Variants in ST6GALNAC3 observed in about 807,000 individuals in gnomAD.
ST6GALNAC3 encodes the protein ST6 N-acetylgalactosaminide alpha-2,6-sialyltransferase 3.
A neutral mutation model predicts 32.7 loss-of-function variants in ST6GALNAC3; 25 were observed. That is an observed-to-expected ratio of 0.76 (90% CI 0.56 to 1.07). The LOEUF (loss-of-function observed/expected upper bound fraction) is 1.07, where lower values mean the gene tolerates loss of function less well. Ranked by LOEUF, ST6GALNAC3 falls within the 50% of genes least tolerant of loss-of-function variation. The pLI is 0.00. For synonymous variants in ST6GALNAC3, 129 were observed against 133.1 expected, an observed-to-expected ratio of 0.97 and a Z score of 0.21; for missense variants, 355 against 382.4, an observed-to-expected ratio of 0.93 and a Z score of 0.60.
At chr1:76,472,475 A>C (rs970569698) in intron 3 of ST6GALNAC3, among the ~76,000 whole-genome samples, 3 of 152,102 alleles carry the variant, frequency 2.0e-5, no homozygotes, top group African/African-American at 7.2e-5. Flanking sequence ...AAGCCAGATG[A>C]CAGTGGATGA....
intron 3 of ST6GALNAC3, among the ~76,000 whole-genome samples, chr1:76,589,486 G>GA (rs1000822188): frequency 7.9e-5 from 12 of 151,278 alleles, no homozygotes; most frequent in African/African-American, 9.7e-5. Context: ...CTTCTGAGCT[G>GA]AAAAAAAATG....
intron 3 of ST6GALNAC3, among the ~76,000 whole-genome samples, chr1:76,620,539 C>G (rs972206663): frequency 6.6e-6 from 1 of 152,012 alleles, no homozygotes; most frequent in African/African-American, 2.4e-5. Flanking sequence ...AGGCTCTCTT[C>G]CTGTCTTGTA....
chr1:76,491,284 C>T (rs1402967197), intron 3 of ST6GALNAC3, among the ~76,000 whole-genome samples: 1 of 152,096 alleles, frequency 6.6e-6, no homozygotes, highest in Non-Finnish European at 1.5e-5. Flanking sequence ...GTAAGCTGGC[C>T]TCATATTTTC....
chr1:76,185,031 T>C (rs190129880), intron 1 of ST6GALNAC3, among the ~76,000 whole-genome samples: 2 of 152,134 alleles, frequency 1.3e-5, no homozygotes, highest in South Asian at 4.1e-4. Context: ...ACATTTTTTT[T>C]AATCCTCGCA....
chr1:76,117,791 G>A (rs187262257), intron 1 of ST6GALNAC3, among the ~76,000 whole-genome samples: 1 of 152,256 alleles, frequency 6.6e-6, no homozygotes, highest in East Asian at 1.9e-4. Context: ...ATAAGAGCAG[G>A]CTGTGTGGAT....
intron 3 of ST6GALNAC3, among the ~76,000 whole-genome samples, chr1:76,599,490 G>A (rs1220991583): frequency 3.4e-5 from 5 of 146,070 alleles, no homozygotes; most frequent in Admixed American, 6.9e-5. Flanking sequence ...GATGTTCCCC[G>A]TGTCCATGTG....
At chr1:76,090,059 C>G (rs1231530199) in intron 1 of ST6GALNAC3, among the ~76,000 whole-genome samples, 1 of 152,112 alleles carries the variant, frequency 6.6e-6, no homozygotes, top group Non-Finnish European at 1.5e-5. Flanking sequence ...CTTATCTGAG[C>G]CACGGTTTCT....
At chr1:76,341,641 C>CTTTCT in intron 2 of ST6GALNAC3, among the ~76,000 whole-genome samples, 1 of 139,438 alleles carries the variant, frequency 7.2e-6, no homozygotes, top group Non-Finnish European at 1.5e-5. Context: ...TTCTTTCTTT[C>CTTTCT]TTTCTTTCTT....
At chr1:76,298,473 A>G (rs1489171764) in intron 1 of ST6GALNAC3, among the ~76,000 whole-genome samples, 3 of 152,038 alleles carry the variant, frequency 2.0e-5, no homozygotes, top group Non-Finnish European at 2.9e-5. Flanking sequence ...TGTCCATTAC[A>G]TGGTAAGTTC....
intron 3 of ST6GALNAC3, among the ~76,000 whole-genome samples, chr1:76,607,147 T>G (rs1225177169): frequency 6.6e-6 from 1 of 152,136 alleles, no homozygotes; most frequent in East Asian, 1.9e-4. Context: ...CATTGCTGGT[T>G]TACTATAAAG....
intron 3 of ST6GALNAC3, among the ~76,000 whole-genome samples, chr1:76,545,288 G>A (rs1664224837): frequency 6.6e-6 from 1 of 152,144 alleles, no homozygotes; most frequent in Non-Finnish European, 1.5e-5. Context: ...GCATTTTGTA[G>A]CATTCCTAAG....
chr1:76,434,614 A>G (rs982332828), intron 3 of ST6GALNAC3, among the ~76,000 whole-genome samples: 1 of 152,142 alleles, frequency 6.6e-6, no homozygotes, highest in Admixed American at 6.6e-5. Context: ...TTTACAGGAT[A>G]GAGTAAAGGG....
intron 1 of ST6GALNAC3, among the ~76,000 whole-genome samples, chr1:76,092,465 C>G (rs574954324): frequency 6.8e-6 from 1 of 147,534 alleles, no homozygotes; most frequent in South Asian, 2.2e-4. Context: ...TTGATAAGCA[C>G]CAGGTGCTTT....
chr1:76,219,651 T>C (rs1468665936), intron 1 of ST6GALNAC3, among the ~76,000 whole-genome samples: 1 of 152,178 alleles, frequency 6.6e-6, no homozygotes, highest in Non-Finnish European at 1.5e-5. Context: ...CATACATCAC[T>C]AAAAGTGTGT....
At chr1:76,584,896 A>G (rs1215046298) in intron 3 of ST6GALNAC3, among the ~76,000 whole-genome samples, 2 of 152,216 alleles carry the variant, frequency 1.3e-5, no homozygotes, top group Non-Finnish European at 2.9e-5. Flanking sequence ...CTTATGTAAT[A>G]TATTGCCACA....
rs190364658 is a variant in ST6GALNAC3 at position 76,439,456 on chromosome 1, A to G, written c.623+27039A>G. ...AAGCTATGCTTTATGTTTTCAATTT[A>G]GGAGTGTATAAGGCCTTTGGTTATT... is the stretch of plus-strand genomic sequence containing the variant. On this transcript the variant is annotated intron_variant, in intron 3 of 4. Coordinates refer to ENST00000328299, the MANE Select transcript of ST6GALNAC3 (RefSeq NM_152996.4). Among the ~76,000 whole-genome samples, 19 of 152,356 alleles carry G rather than the reference A, an allele frequency of 1.2e-4. No individual in the cohort carries two copies. In the East Asian group the frequency reaches 2.7e-3, roughly 22 times the overall value.
chr1:76,429,416 C>T (rs1655602779), intron 3 of ST6GALNAC3, among the ~76,000 whole-genome samples: 1 of 152,072 alleles, frequency 6.6e-6, no homozygotes, highest in Non-Finnish European at 1.5e-5. Context: ...CTAGTATTTA[C>T]TATTATTAGT....
intron 1 of ST6GALNAC3, among the ~76,000 whole-genome samples, chr1:76,208,334 C>T (rs932806781): frequency 4.6e-5 from 7 of 152,244 alleles, no homozygotes; most frequent in Admixed American, 3.3e-4. Flanking sequence ...AGATGTCACA[C>T]AAATTTAGCC....
Position 76,176,438 on chromosome 1 carries a change from G to A in ST6GALNAC3, c.18+101554G>A, listed in dbSNP as rs55707851. Among the ~76,000 whole-genome samples, 1,499 of 152,252 alleles carry A rather than the reference G, an allele frequency of 9.8e-3. 26 individuals carry two copies. The highest frequency in any genetic ancestry group is 0.034 in the African/African-American group (1,431 of 41,536). On this transcript the variant is annotated intron_variant, in intron 1 of 4. Coordinates refer to ENST00000328299, the MANE Select transcript of ST6GALNAC3 (RefSeq NM_152996.4). ...AACAGATTAAAATGTGGTTTTATGG[G>A]TAGTCATTTCCTAGATGCTTGTGAA...
Sources: allele counts gnomAD v4.1 joint callset (sites outside exome capture counted in the v4.1 genomes callset), GRCh38; gene constraint gnomAD v4.1.1; transcripts MANE v1.5; gene names NCBI Gene and HGNC (gene_info 2026-07-23, HGNC 2026-07-21).